DUSP8: variants seen among roughly 807,000 people sequenced by gnomAD.
DUSP8 encodes the protein dual specificity phosphatase 8, also known as dual specificity protein phosphatase 8.
DUSP8 carries 15 observed loss-of-function variants against 38.7 expected under a neutral mutation model. The ratio of observed to expected loss-of-function variants is 0.39; its 90% CI spans 0.26 to 0.60. The LOEUF is 0.60. Ranked by LOEUF, DUSP8 falls within the 20% of genes least tolerant of loss-of-function variation. DUSP8 has a pLI of 0.56. For synonymous variants in DUSP8, 458 were observed against 433.9 expected (o/e 1.06, Z -0.69); for missense variants, 768 against 915.0 (o/e 0.84, Z 2.07).
intron 3 of DUSP8, 176 bp from the exon 4 acceptor site, chr11:1,559,231 G>A (rs1384577049): frequency 1.7e-6 from 1 of 572,240 alleles, no homozygotes; most frequent in Non-Finnish European, 2.9e-6. Flanking sequence ...TCTGCCCGCG[G>A]TGGGGGGAGG....
rs1162689731 is a variant in DUSP8 at position 1,555,372 on chromosome 11, C to T, written c.*1146G>A. The T allele has an allele frequency of 2.0e-6, 2 of 987,426 alleles. No homozygotes were observed. Among genetic ancestry groups the T allele is most frequent in the African/African-American group, 3.5e-5 (2 of 57,276 alleles). The allele number at this position is 987,426 out of a possible 1,614,324, so 61.2% of individuals were successfully genotyped here. ...CCTAAGTGAAGCAGGCCTATCCCAG[C>T]AGCACAGGGGCTTGGCTGGCGCCTG... On this transcript the variant is annotated 3_prime_UTR_variant, in exon 7 of 7. Coordinates refer to ENST00000397374, the MANE Select transcript of DUSP8 (RefSeq NM_004420.3).
Position 1,557,086 on chromosome 11 carries a change from G to A in DUSP8, c.1310C>T (p.Ser437Leu), listed in dbSNP as rs1564931895. The A allele has an allele frequency of 7.6e-7, 1 of 1,308,592 alleles. No individual in the cohort carries two copies. Among genetic ancestry groups the A allele is most frequent in the South Asian group, 1.9e-5 (1 of 51,874 alleles). 81.1% of individuals were successfully genotyped at this position (1,308,592 alleles called of 1,614,324 possible). The stretch of plus-strand genomic sequence containing the variant: ...GGCGTCCGGGCTGTCCGGGCTGGGC[G>A]AGGACAGGCCCAGCGCGGCCCCCGA... The part of the protein sequence containing the change: ...SPSGAALGLS[S>L]PSPDSPDAAP... The change falls in exon 7 of 7, where the codon TCG becomes TTG. Residue 437 changes from serine to leucine, a missense_variant. Ser to Leu is a moderately radical substitution (Grantham distance 145). Coordinates refer to ENST00000397374, the MANE Select transcript of DUSP8 (RefSeq NM_004420.3). The surrounding 1 kb of genome is among the most constrained non-coding windows in gnomAD (Gnocchi z 9.9).
Position 1,556,428 on chromosome 11 carries a change from G to A in DUSP8, c.*90C>T. 8.1e-7 allele frequency: 1 copy of A among 1,227,518 alleles called. No homozygotes were observed. Among genetic ancestry groups the A allele is most frequent in the Non-Finnish European group, 1.0e-6 (1 of 984,596 alleles). 76.0% of individuals were successfully genotyped at this position (1,227,518 alleles called of 1,614,324 possible). On this transcript the variant is annotated 3_prime_UTR_variant, in exon 7 of 7. Coordinates refer to ENST00000397374, the MANE Select transcript of DUSP8 (RefSeq NM_004420.3). The surrounding 1 kb of genome is among the most constrained non-coding windows in gnomAD (Gnocchi z 5.2). ...TATTTACTTCTCGATAAAAATCCCA[G>A]TAAAACCATTTACCTTTCTTTGCAT...
chr11:1,571,744 G>A (rs1848902064), intron 1 of DUSP8, among the ~76,000 whole-genome samples, 157 bp downstream of exon 1: 1 of 151,292 alleles, frequency 6.6e-6, no homozygotes, highest in Admixed American at 6.6e-5. Flanking sequence ...CGTCCTGGAC[G>A]GCCGTGGCCG....
At position 1,557,589 on chromosome 11, in the gene DUSP8, G is replaced by A; in HGVS notation, c.822-15C>T. Reference sequence around the variant, plus strand: ...CCTTCACGAACCTGCGGGGGAGGAGGCTCAGTCCCAGGCGCCCGCCGGGGC... The same window carrying A: ...CCTTCACGAACCTGCGGGGGAGGAGACTCAGTCCCAGGCGCCCGCCGGGGC... On this transcript the variant is annotated splice_polypyrimidine_tract_variant and intron_variant, in intron 6 of 6. Coordinates refer to ENST00000397374, the MANE Select transcript of DUSP8 (RefSeq NM_004420.3). The surrounding 1 kb of genome is among the most constrained non-coding windows in gnomAD (Gnocchi z 9.9). 1 of 1,543,294 alleles carries A rather than the reference G, an allele frequency of 6.5e-7. No individual in the cohort carries two copies. Among genetic ancestry groups the A allele is most frequent in the Non-Finnish European group, 8.7e-7 (1 of 1,153,180 alleles).
chr11:1,556,182 G>A lies in DUSP8; in HGVS notation c.*336C>T, dbSNP rs999941251. 2 of 240,872 alleles carry A rather than the reference G, an allele frequency of 8.3e-6. No individual in the cohort carries two copies. Among genetic ancestry groups the A allele is most frequent in the Non-Finnish European group, 1.6e-5 (2 of 126,488 alleles). 14.9% of individuals were successfully genotyped at this position (240,872 alleles called of 1,614,324 possible). ...TTTGTTATGTAAAAAGTGCACGAAAGCTCGGCAGCCTTTGCAAAGGTCAGC... is the reference window on the plus strand; with the variant it reads ...TTTGTTATGTAAAAAGTGCACGAAAACTCGGCAGCCTTTGCAAAGGTCAGC... On this transcript the variant is annotated 3_prime_UTR_variant, in exon 7 of 7. Coordinates refer to ENST00000397374, the MANE Select transcript of DUSP8 (RefSeq NM_004420.3). This position sits in a 1 kb window ranked among gnomAD's most constrained non-coding sequence, Gnocchi z 5.2.
In DUSP8 at chr11:1,557,106, C is replaced by G; in HGVS notation, c.1290G>C (p.Gly430=). 7.3e-7 allele frequency: 1 copy of G among 1,370,108 alleles called. No individual in the cohort carries two copies. The allele number at this position is 1,370,108 out of a possible 1,614,324, so 84.9% of individuals were successfully genotyped here. ...TGGGCGAGGACAGGCCCAGCGCGGC[C>G]CCCGACGGGCTGTCCAGCTTGCAGA... The part of the protein sequence containing the change: ...PKLCKLDSPS[G]AALGLSSPSP... Residue 430 remains glycine (G), a synonymous_variant, in exon 7 of 7, where the codon GGG becomes GGC. Transcript: ENST00000397374. This position sits in a 1 kb window ranked among gnomAD's most constrained non-coding sequence, Gnocchi z 9.9.
Position 1,555,026 on chromosome 11 carries a change from C to G in DUSP8, c.*1492G>C. 1 of 986,222 alleles carries G rather than the reference C, an allele frequency of 1.0e-6. No homozygotes were observed. The highest frequency in any genetic ancestry group is 1.2e-6 in the Non-Finnish European group (1 of 830,076). The allele number at this position is 986,222 out of a possible 1,614,324, so 61.1% of individuals were successfully genotyped here. On this transcript the variant is annotated 3_prime_UTR_variant, in exon 7 of 7. Coordinates refer to ENST00000397374, the MANE Select transcript of DUSP8 (RefSeq NM_004420.3). ...TGGCTGGGGCGGGATGGGCGCCTCC[C>G]TGGCCCTGCTCCAGGACTCAGGACT...
At chr11:1,569,097 C>T (rs1848849666) in intron 1 of DUSP8, among the ~76,000 whole-genome samples, 1 of 152,182 alleles carries the variant, frequency 6.6e-6, no homozygotes, top group Admixed American at 6.5e-5. Flanking sequence ...CCTCTCCTTT[C>T]ACGGCCCCAC....
rs185603899 is a variant in DUSP8 at position 1,566,048 on chromosome 11, C to T, written c.-108-114G>A. 3.9e-4 allele frequency: 219 copies of T among 554,464 alleles called. 1 individual carries two copies. In the Admixed American group the frequency reaches 4.2e-3, roughly 11 times the overall value. 34.3% of individuals were successfully genotyped at this position (554,464 alleles called of 1,614,324 possible). On this transcript the variant is annotated intron_variant, in intron 1 of 6. Transcript: ENST00000397374. ...GCCCACCAGGACACACCAACATGTG[C>T]CCGTGGGAACCCTTCTCCCTCTGGA...
At position 1,557,786 on chromosome 11, in the gene DUSP8, G is replaced by A. The variant is rs1408758911; in HGVS notation, c.821+8C>T. 1.9e-6 allele frequency: 3 copies of A among 1,612,644 alleles called. No individual in the cohort carries two copies. Among genetic ancestry groups the A allele is most frequent in the Non-Finnish European group, 2.5e-6 (3 of 1,179,972 alleles). On this transcript the variant is annotated splice_region_variant and intron_variant, in intron 6 of 6. Transcript: ENST00000397374. This position sits in a 1 kb window ranked among gnomAD's most constrained non-coding sequence, Gnocchi z 9.9. ...GAGCCACAAGTGCGCGACTGGGGAA[G>A]GTGGTACCTGTAGGCGTCGTCGGAG... is the stretch of plus-strand genomic sequence containing the variant.
chr11:1,562,283 A>T (rs2133439318), intron 3 of DUSP8, among the ~76,000 whole-genome samples: 1 of 152,106 alleles, frequency 6.6e-6, no homozygotes, highest in Non-Finnish European at 1.5e-5. Flanking sequence ...GGGAGGTGCC[A>T]CTCTGGGACC....
intron 3 of DUSP8, among the ~76,000 whole-genome samples, chr11:1,561,716 G>T (rs12421448): frequency 6.6e-6 from 1 of 152,208 alleles, no homozygotes; most frequent in Non-Finnish European, 1.5e-5. Context: ...TCACATTCCG[G>T]CCTCTACTGT....
In DUSP8 at chr11:1,558,346, G is replaced by A; in HGVS notation, c.538-75C>T. On this transcript the variant is annotated intron_variant, in intron 4 of 6. Coordinates refer to ENST00000397374, the MANE Select transcript of DUSP8 (RefSeq NM_004420.3). The surrounding 1 kb of genome is among the most constrained non-coding windows in gnomAD (Gnocchi z 6.3). Reference sequence around the variant, plus strand: ...GGGAGTGAAGGTGGAGGCTTTTCCTGCCCTGCCGTCAGGAGGGCCTTTAGA... The same window carrying A: ...GGGAGTGAAGGTGGAGGCTTTTCCTACCCTGCCGTCAGGAGGGCCTTTAGA... 7.8e-7 allele frequency: 1 copy of A among 1,282,310 alleles called. No homozygotes were observed. Among genetic ancestry groups the A allele is most frequent in the African/African-American group, 1.5e-5 (1 of 67,800 alleles). 79.4% of individuals were successfully genotyped at this position (1,282,310 alleles called of 1,614,324 possible).
intron 1 of DUSP8, among the ~76,000 whole-genome samples, chr11:1,571,044 A>G (rs1277133896): frequency 9.5e-5 from 14 of 147,504 alleles, no homozygotes; most frequent in Non-Finnish European, 1.5e-4. Flanking sequence ...CTGCAGCACC[A>G]GAGCCCCTAT....
chr11:1,559,110 G>C (rs918075190), intron 3 of DUSP8, 55 bp from the exon 4 acceptor site: 1 of 1,549,554 alleles, frequency 6.5e-7, no homozygotes. Context: ...CTCCCTGTCC[G>C]CCTAGGGTGC....
intron 3 of DUSP8, 64 bp downstream of exon 3, chr11:1,563,787 C>A (rs1197888751): frequency 1.4e-6 from 2 of 1,422,130 alleles, no homozygotes; most frequent in African/African-American, 1.5e-5. Flanking sequence ...GATGCCCCAG[C>A]CCCAGCCCCA....
intron 1 of DUSP8, 52 bp from the exon 2 acceptor site, chr11:1,565,986 C>T: frequency 1.6e-6 from 1 of 629,078 alleles, no homozygotes; most frequent in East Asian, 2.8e-5. Flanking sequence ...GGGTGGCACC[C>T]AGAAGCTCCC....
rs1799866677 is a variant in DUSP8, at chr11:1,557,244, C to A, written c.1152G>T (p.Leu384=). The A allele has an allele frequency of 6.7e-7, 1 of 1,495,480 alleles. No individual in the cohort carries two copies. Among genetic ancestry groups the A allele is most frequent in the East Asian group, 2.9e-5 (1 of 34,606 alleles). The allele number at this position is 1,495,480 out of a possible 1,614,324, so 92.6% of individuals were successfully genotyped here. A position where few individuals can be genotyped will look rare whatever the true frequency, so the allele number is the denominator to read the frequency against. ...LRGLHLSSDR[L]QDTNRLKRSF... Reference sequence around the variant, plus strand: ...AGCGCTTGAGGCGGTTAGTGTCCTGCAGGCGGTCCGAGGAGAGGTGCAGGC... The same window carrying A: ...AGCGCTTGAGGCGGTTAGTGTCCTGAAGGCGGTCCGAGGAGAGGTGCAGGC... Residue 384 remains leucine (L), a synonymous_variant, in exon 7 of 7, where the codon CTG becomes CTT. Coordinates refer to ENST00000397374, the MANE Select transcript of DUSP8 (RefSeq NM_004420.3). The surrounding 1 kb of genome is among the most constrained non-coding windows in gnomAD (Gnocchi z 9.9).
Sources: allele counts gnomAD v4.1 joint callset (sites outside exome capture counted in the v4.1 genomes callset), GRCh38; gene constraint gnomAD v4.1.1; non-coding constraint Gnocchi (gnomAD v3.1); transcripts MANE v1.5; gene names NCBI Gene and HGNC (gene_info 2026-07-23, HGNC 2026-07-21).